Variants in TTC1 observed in about 807,000 individuals in gnomAD.
The protein encoded by TTC1 is tetratricopeptide repeat domain 1.
A neutral mutation model predicts 37.6 loss-of-function variants in TTC1; 31 were observed. That is an observed-to-expected ratio of 0.82 (90% confidence interval 0.62 to 1.11). The LOEUF is 1.11. TTC1 is among the 50% of genes most tolerant of loss of function. The pLI, the probability that TTC1 is intolerant of heterozygous loss-of-function variation, is 0.00. For missense variants in TTC1, 351 were observed against 339.0 expected (o/e 1.04, Z -0.28); for synonymous variants, 127 against 122.4 (o/e 1.04, Z -0.25).
chr5:160,049,048 T>G (rs1757333876), intron 5 of TTC1, among the ~76,000 whole-genome samples: 1 of 152,238 alleles, frequency 6.6e-6, no homozygotes, highest in Non-Finnish European at 1.5e-5. Flanking sequence ...AAACCAGGAC[T>G]TGGAGTATAG....
chr5:160,054,754 G>A lies in TTC1; in HGVS notation c.745+3571G>A, dbSNP rs868665596. On this transcript the variant is annotated intron_variant, in intron 7 of 7. Transcript: ENST00000231238. The stretch of plus-strand genomic sequence containing the variant: ...AGTTTGAGGAACATAAAGATTTGAA[G>A]TCAGGTTTCATATGGCAGACACGGC... Among the ~76,000 whole-genome samples the A allele has an allele frequency of 1.7e-4, 26 of 152,212 alleles. 1 individual carries two copies. In the Middle Eastern group the frequency reaches 0.051, roughly 299 times the overall value.
chr5:160,018,399 T>C (rs970343544), intron 2 of TTC1, among the ~76,000 whole-genome samples: 9 of 152,182 alleles, frequency 5.9e-5, no homozygotes, highest in African/African-American at 2.2e-4. Context: ...AGAGGTGGCC[T>C]CTCAACAGAG....
chr5:160,032,891 T>C (rs74354033), intron 2 of TTC1, among the ~76,000 whole-genome samples: 2 of 144,492 alleles, frequency 1.4e-5, no homozygotes, highest in Non-Finnish European at 3.0e-5. Flanking sequence ...TTTTTTTTTT[T>C]GGGGGGGTAT....
At chr5:160,018,349 A>G (rs1440051207) in intron 2 of TTC1, among the ~76,000 whole-genome samples, 1 of 152,172 alleles carries the variant, frequency 6.6e-6, no homozygotes, top group Non-Finnish European at 1.5e-5. Flanking sequence ...ACAGGTGGAG[A>G]GGACTGCTTT....
At chr5:160,028,447 G>A (rs978747153) in intron 2 of TTC1, among the ~76,000 whole-genome samples, 7 of 151,660 alleles carry the variant, frequency 4.6e-5, no homozygotes, top group Non-Finnish European at 1.0e-4. Context: ...TCTTTGGCTT[G>A]GATAATTTCT....
intron 7 of TTC1, among the ~76,000 whole-genome samples, chr5:160,058,968 A>G (rs1757624428): frequency 6.6e-6 from 1 of 152,212 alleles, no homozygotes; most frequent in Non-Finnish European, 1.5e-5. Flanking sequence ...GCTGTCATCC[A>G]GGCTATGTTG....
At chr5:160,037,481 C>T (rs978258712) in intron 4 of TTC1, among the ~76,000 whole-genome samples, 2 of 152,138 alleles carry the variant, frequency 1.3e-5, no homozygotes, top group Non-Finnish European at 2.9e-5. Flanking sequence ...TATGGGTGGC[C>T]GAGGCGGGCA....
chr5:160,051,231 G>T, intron 7 of TTC1, 48 bp downstream of exon 7: 1 of 1,501,930 alleles, frequency 6.7e-7, no homozygotes, highest in South Asian at 1.2e-5. Flanking sequence ...TAGGAACCTA[G>T]GGTGGGGACA....
chr5:160,039,264 T>G (rs1413466853), intron 4 of TTC1: 1 of 150,148 alleles, frequency 6.7e-6, no homozygotes, highest in Non-Finnish European at 1.5e-5. Context: ...AGCAGAGCCC[T>G]AAAAGAGTAG....
At chr5:160,016,161 C>A (rs945491695) in intron 2 of TTC1, among the ~76,000 whole-genome samples, 2 of 152,090 alleles carry the variant, frequency 1.3e-5, no homozygotes, top group African/African-American at 4.8e-5. Context: ...GCAGACCACT[C>A]AAGACCAGGA....
chr5:160,034,749 C>T (rs1393279134), intron 2 of TTC1, among the ~76,000 whole-genome samples: 1 of 152,066 alleles, frequency 6.6e-6, no homozygotes, highest in African/African-American at 2.4e-5. Flanking sequence ...TGTCCGAGGC[C>T]ACATAACTAG....
At chr5:160,061,312 C>T (rs1322731235) in intron 7 of TTC1, among the ~76,000 whole-genome samples, 1 of 152,226 alleles carries the variant, frequency 6.6e-6, no homozygotes, top group African/African-American at 2.4e-5. Flanking sequence ...CACCCCTTTC[C>T]TGTCTTCCTG....
chr5:160,056,249 C>G (rs1561640017), intron 7 of TTC1, among the ~76,000 whole-genome samples: 1 of 152,238 alleles, frequency 6.6e-6, no homozygotes, highest in Non-Finnish European at 1.5e-5. Context: ...CCTGGCCACT[C>G]TGGCACACAT....
rs78240416 is a variant in TTC1 at position 160,048,391 on chromosome 5, T to C, written c.542-1123T>C. Reference sequence around the variant, plus strand: ...GACGGTCTCAAAGTCCTGACCCCAATTGACCTGCCTGCCTCGGCCTCCCAA... The same window carrying C: ...GACGGTCTCAAAGTCCTGACCCCAACTGACCTGCCTGCCTCGGCCTCCCAA... On this transcript the variant is annotated intron_variant, in intron 5 of 7. Coordinates refer to ENST00000231238, the MANE Select transcript of TTC1 (RefSeq NM_003314.3). 3.5e-4 allele frequency among the ~76,000 whole-genome samples: 54 copies of C among 152,164 alleles called. 1 individual carries two copies. The East Asian group carries it at 9.9e-3, about 28-fold the overall frequency.
chr5:160,016,318 C>T lies in TTC1; in HGVS notation c.330+5460C>T, dbSNP rs112030416. ...GCTTGAACCTAGGAGGCGGAGGTTG[C>T]AGAGAGCCGAGATCACGCCACTGCA... On this transcript the variant is annotated intron_variant, in intron 2 of 7. Transcript: ENST00000231238. Among the ~76,000 whole-genome samples the T allele has an allele frequency of 4.9e-3, 740 of 152,232 alleles. 5 individuals carry two copies. The highest frequency in any genetic ancestry group is 0.017 in the African/African-American group (713 of 41,538).
At chr5:160,051,334 C>T (rs1426451341) in intron 7 of TTC1, 151 bp downstream of exon 7, 3 of 576,172 alleles carry the variant, frequency 5.2e-6, no homozygotes, top group Non-Finnish European at 8.8e-6. Flanking sequence ...CCAGAAGGGG[C>T]AGCGTGGCTT....
chr5:160,049,972 G>A (rs1757358520), intron 6 of TTC1, among the ~76,000 whole-genome samples: 2 of 152,062 alleles, frequency 1.3e-5, no homozygotes, highest in Admixed American at 1.3e-4. Context: ...CTAGCTACTC[G>A]GGAGGCAGGA....
At chr5:160,045,496 ACACACACACACACACACATACACACTCT>A (rs1757199127) in intron 5 of TTC1, among the ~76,000 whole-genome samples, 2 of 107,498 alleles carry the variant, frequency 1.9e-5, no homozygotes, top group East Asian at 3.4e-4. Context: ...ACACACACAC[ACACACACACACACACACATACACACTCT>A]CTCTCTCTCT....
In TTC1 at chr5:160,045,454, CCACACACACACACACACACACACACACA is replaced by C. The variant is rs57919333; in HGVS notation, c.541+2318_541+2345del. On this transcript the variant is annotated intron_variant, in intron 5 of 7. Transcript: ENST00000231238. ...GAGAGCCCCCGACATCCCCCACCCTCCACACACACACACACACACACACACACACACACACACACACACACACACACAC... is the reference window on the plus strand; with the variant it reads ...GAGAGCCCCCGACATCCCCCACCCTCCACACACACACACACACACACACAC... Among the ~76,000 whole-genome samples, 142 of 38,906 alleles carry C rather than the reference CCACACACACACACACACACACACACACA, an allele frequency of 3.6e-3. 2 individuals are homozygous for C. Among genetic ancestry groups the C allele is most frequent in the African/African-American group, 0.013 (118 of 8,762 alleles). The allele number at this position is 38,906 out of a possible 152,430, so 25.5% of individuals were successfully genotyped here.
Sources: gnomAD v4.1 joint callset for allele counts (sites outside exome capture counted in the v4.1 genomes callset) on GRCh38, gnomAD v4.1.1 for gene constraint, MANE v1.5 for transcripts, NCBI Gene and HGNC (gene_info 2026-07-23, HGNC 2026-07-21) for gene names.